Variants in GRM8 observed in about 807,000 individuals in gnomAD.
GRM8 encodes metabotropic glutamate receptor 8.
Under a neutral mutation model 87.2 loss-of-function variants are expected in GRM8, and 47 were observed. The observed-to-expected ratio is 0.54, with a 90% CI of 0.43 to 0.69. The LOEUF (loss-of-function observed/expected upper bound fraction) is 0.69, where lower values mean the gene tolerates loss of function less well. Among genes scored for constraint, GRM8 ranks in the 30% least tolerant of loss-of-function variants. GRM8 has a pLI of 0.00. For synonymous variants in GRM8, 396 were observed against 404.5 expected (o/e 0.98, Z 0.25); for missense variants, 1,019 against 1,139.2 (o/e 0.89, Z 1.52).
intron 3 of GRM8, among the ~76,000 whole-genome samples, chr7:127,011,060 C>A (rs1234918430): frequency 6.6e-6 from 1 of 152,064 alleles, no homozygotes; most frequent in Non-Finnish European, 1.5e-5. Context: ...ATCATTTTCT[C>A]ACATATTATC....
At position 126,533,798 on chromosome 7, in the gene GRM8, C is replaced by G. The variant is rs140863337; in HGVS notation, c.1584G>C (p.Thr528=). The G allele has an allele frequency of 1.2e-6, 2 of 1,614,044 alleles. No homozygotes were observed. Among genetic ancestry groups the G allele is most frequent in the Non-Finnish European group, 1.7e-6 (2 of 1,179,960 alleles). The stretch of plus-strand genomic sequence containing the variant: ...GCCAGCAGCAAGGGACCCCTTTCAC[C>G]GTTTTCTTCCTCTCCCCTGGCTTAC... ...LPCKPGERKK[T]VKGVPCCWHC... Residue 528 remains threonine, a synonymous_variant, in exon 9 of 11, where the codon ACG becomes ACC. Coordinates refer to ENST00000339582, the MANE Select transcript of GRM8 (RefSeq NM_000845.3).
intron 6 of GRM8, chr7:126,869,611 G>A (rs1199614939): frequency 6.6e-6 from 1 of 152,126 alleles, no homozygotes; most frequent in Non-Finnish European, 1.5e-5. Flanking sequence ...TTCCATCAGA[G>A]CTCTTGAGTG....
intron 2 of GRM8, among the ~76,000 whole-genome samples, chr7:127,201,026 C>A (rs191299730): frequency 3.3e-5 from 5 of 152,238 alleles, no homozygotes; most frequent in African/African-American, 1.2e-4. Flanking sequence ...ATCATAAAAT[C>A]TGTCATTTTT....
intron 3 of GRM8, among the ~76,000 whole-genome samples, chr7:126,971,170 A>C (rs1472818343): frequency 4.6e-5 from 7 of 150,814 alleles, no homozygotes; most frequent in African/African-American, 1.2e-4. Flanking sequence ...AAAAAAAAAA[A>C]AAAAAAAAAA....
intron 7 of GRM8, among the ~76,000 whole-genome samples, chr7:126,662,833 G>A (rs1187606613): frequency 6.6e-6 from 1 of 152,112 alleles, no homozygotes; most frequent in Non-Finnish European, 1.5e-5. Context: ...GTTTAGTGTT[G>A]ATGGATGGGG....
At chr7:127,250,316 T>C (rs1225800102) in intron 1 of GRM8, among the ~76,000 whole-genome samples, 1 of 152,220 alleles carries the variant, frequency 6.6e-6, no homozygotes, top group Non-Finnish European at 1.5e-5. Flanking sequence ...CTTTTGGATG[T>C]AGATGTTTTT....
chr7:127,168,778 T>A (rs1793604900), intron 2 of GRM8, among the ~76,000 whole-genome samples: 1 of 151,938 alleles, frequency 6.6e-6, no homozygotes, highest in South Asian at 2.1e-4. Context: ...CACTGCATGT[T>A]CTCACACATA....
At chr7:126,557,232 T>G (rs1465721182) in intron 8 of GRM8, among the ~76,000 whole-genome samples, 1 of 152,142 alleles carries the variant, frequency 6.6e-6, no homozygotes, top group African/African-American at 2.4e-5. Flanking sequence ...TTTGAAATCT[T>G]AAAAGAGAGC....
At chr7:127,035,629 G>C (rs1650690682) in intron 3 of GRM8, among the ~76,000 whole-genome samples, 1 of 152,158 alleles carries the variant, frequency 6.6e-6, no homozygotes, top group African/African-American at 2.4e-5. Context: ...CTTCAGCACA[G>C]TGATGAGCAT....
chr7:126,924,407 A>G (rs1401640360), intron 3 of GRM8, among the ~76,000 whole-genome samples: 1 of 152,194 alleles, frequency 6.6e-6, no homozygotes, highest in Non-Finnish European at 1.5e-5. Context: ...ATGTCATTCT[A>G]CAACAGGGAT....
At chr7:126,706,816 T>C (rs1425421162) in intron 7 of GRM8, among the ~76,000 whole-genome samples, 1 of 152,214 alleles carries the variant, frequency 6.6e-6, no homozygotes, top group East Asian at 1.9e-4. Context: ...AAAAGCATTA[T>C]GTGAATTCTT....
Position 126,690,809 on chromosome 7 carries a change from T to G in GRM8, c.1357+79056A>C, listed in dbSNP as rs781507955. On this transcript the variant is annotated intron_variant, in intron 7 of 10. Transcript: ENST00000339582. Reference sequence around the variant, plus strand: ...TCTGCAGGCAGGGCATCCCATTGTCTGCTCAGCTCTCAGCAAAGAGGAGAC... The same window carrying G: ...TCTGCAGGCAGGGCATCCCATTGTCGGCTCAGCTCTCAGCAAAGAGGAGAC... Among the ~76,000 whole-genome samples the G allele has an allele frequency of 7.2e-4, 109 of 152,296 alleles. 1 individual carries two copies. Among genetic ancestry groups the G allele is most frequent in the Admixed American group, 2.4e-3 (36 of 15,302 alleles).
At chr7:127,168,970 G>C (rs1232577308) in intron 2 of GRM8, among the ~76,000 whole-genome samples, 1 of 149,220 alleles carries the variant, frequency 6.7e-6, no homozygotes, top group Non-Finnish European at 1.5e-5. Flanking sequence ...TAACAAACCT[G>C]CACGTTCTGC....
chr7:127,034,339 T>C (rs1237868548), intron 3 of GRM8, among the ~76,000 whole-genome samples: 1 of 152,174 alleles, frequency 6.6e-6, no homozygotes. Flanking sequence ...TAACAACCAC[T>C]ATAGGCATTT....
chr7:126,842,634 C>T (rs1796381453), intron 6 of GRM8, among the ~76,000 whole-genome samples: 1 of 152,092 alleles, frequency 6.6e-6, no homozygotes, highest in Non-Finnish European at 1.5e-5. Flanking sequence ...AATATGATCA[C>T]AAAGCTCCTT....
intron 3 of GRM8, among the ~76,000 whole-genome samples, chr7:126,942,734 A>T (rs2131546211): frequency 6.6e-6 from 1 of 152,310 alleles, no homozygotes; most frequent in East Asian, 1.9e-4. Flanking sequence ...GGTCAGAAAC[A>T]GGCAGAGTGA....
At chr7:126,979,058 G>C (rs1811281570) in intron 3 of GRM8, among the ~76,000 whole-genome samples, 1 of 152,150 alleles carries the variant, frequency 6.6e-6, no homozygotes, top group Non-Finnish European at 1.5e-5. Context: ...TATGTGTAAA[G>C]ATCTGAAGCA....
intron 7 of GRM8, among the ~76,000 whole-genome samples, chr7:126,694,014 T>A (rs534341777): frequency 3.2e-4 from 49 of 152,138 alleles, no homozygotes; most frequent in African/African-American, 1.2e-3. Context: ...TGTATGACCA[T>A]TATAAATATT....
intron 3 of GRM8, among the ~76,000 whole-genome samples, chr7:127,014,970 G>A (rs117265970): frequency 2.2e-5 from 3 of 139,094 alleles, no homozygotes; most frequent in Non-Finnish European, 3.1e-5. Context: ...AGAAGAAGAG[G>A]AAGAAGAAGG....
Sources: gnomAD v4.1 joint callset for allele counts (sites outside exome capture counted in the v4.1 genomes callset) on GRCh38, gnomAD v4.1.1 for gene constraint, MANE v1.5 for transcripts, NCBI Gene and HGNC (gene_info 2026-07-23, HGNC 2026-07-21) for gene names.